Variants in SDCCAG8 observed in about 807,000 individuals in gnomAD.
SDCCAG8 encodes the protein serologically defined colon cancer antigen 8.
SDCCAG8 carries 74 observed loss-of-function variants against 101.8 expected under a neutral mutation model. The observed-to-expected ratio is 0.73, with a 90% CI of 0.60 to 0.88. The LOEUF (loss-of-function observed/expected upper bound fraction) is 0.88. Ranked by LOEUF, SDCCAG8 falls within the 40% of genes least tolerant of loss-of-function variation. SDCCAG8 has a pLI of 0.00. For synonymous variants in SDCCAG8, 281 were observed against 292.9 expected (o/e 0.96, Z 0.41); for missense variants, 787 against 822.6 (o/e 0.96, Z 0.53).
chr1:243,358,468 C>G (rs926105005), intron 12 of SDCCAG8, among the ~76,000 whole-genome samples: 1 of 152,022 alleles, frequency 6.6e-6, no homozygotes, highest in African/African-American at 2.4e-5. Flanking sequence ...TAACAAGTGT[C>G]GGTGAGGATG....
intron 4 of SDCCAG8, among the ~76,000 whole-genome samples, chr1:243,283,902 G>A (rs1053763498): frequency 3.3e-5 from 5 of 151,964 alleles, no homozygotes; most frequent in East Asian, 1.9e-4. Context: ...CACCACCCCC[G>A]GCTAGTTTTT....
At chr1:243,272,877 G>A (rs938979591) in intron 3 of SDCCAG8, among the ~76,000 whole-genome samples, 1 of 152,152 alleles carries the variant, frequency 6.6e-6, no homozygotes, top group African/African-American at 2.4e-5. Flanking sequence ...GAGTAAAACT[G>A]AGGCACTGTT....
At chr1:243,294,255 A>G (rs755486184) in intron 6 of SDCCAG8, among the ~76,000 whole-genome samples, 74 of 151,974 alleles carry the variant, frequency 4.9e-4, no homozygotes, top group Admixed American at 1.2e-3. Context: ...GAAATCTTTA[A>G]CTCCTTCTTT....
chr1:243,496,305 G>T (rs1667858496), intron 17 of SDCCAG8, among the ~76,000 whole-genome samples: 1 of 152,220 alleles, frequency 6.6e-6, no homozygotes. Flanking sequence ...CAGCTGCCGA[G>T]CCCTGGCCCC....
intron 9 of SDCCAG8, among the ~76,000 whole-genome samples, chr1:243,317,279 C>T (rs921530602): frequency 4.0e-5 from 6 of 150,778 alleles, no homozygotes; most frequent in African/African-American, 1.2e-4. Context: ...TGAGAAAATC[C>T]AAATATACCA....
Position 243,341,117 on chromosome 1 carries a change from A to T in SDCCAG8, c.1300A>T (p.Asn434Tyr). Residue 434 changes from asparagine to tyrosine, a missense_variant, in exon 11 of 18, where the codon AAT becomes TAT. Asn to Tyr is a moderately radical substitution (Grantham distance 143). Coordinates refer to ENST00000366541, the MANE Select transcript of SDCCAG8 (RefSeq NM_006642.5). ...KVTKEKISAI[N>Y]QLEEIQSQLA... is the part of the protein sequence containing the mutation. ...TACAAAGGAAAAGATTTCAGCTATTAATCAACTGGAGGAAATTCAAAGCCA... is the reference window on the plus strand; with the variant it reads ...TACAAAGGAAAAGATTTCAGCTATTTATCAACTGGAGGAAATTCAAAGCCA... 1 of 1,614,102 alleles carries T rather than the reference A, an allele frequency of 6.2e-7. No homozygotes were observed. The highest frequency in any genetic ancestry group is 8.5e-7 in the Non-Finnish European group (1 of 1,179,922).
chr1:243,359,081 G>T (rs893877561), intron 12 of SDCCAG8, among the ~76,000 whole-genome samples: 2 of 152,184 alleles, frequency 1.3e-5, no homozygotes, highest in Non-Finnish European at 2.9e-5. Context: ...TTCATGTCCA[G>T]GTAGAGATTT....
intron 16 of SDCCAG8, among the ~76,000 whole-genome samples, chr1:243,450,514 C>T (rs751658980): frequency 7.2e-5 from 11 of 152,226 alleles, no homozygotes; most frequent in Non-Finnish European, 1.0e-4. Context: ...AAATCAATCA[C>T]TGACTTCCAG....
chr1:243,373,797 G>T (rs2077439090), intron 12 of SDCCAG8, among the ~76,000 whole-genome samples: 1 of 152,066 alleles, frequency 6.6e-6, no homozygotes, highest in Admixed American at 6.6e-5. Context: ...GTGAATATTT[G>T]CTGAACAACA....
chr1:243,466,971 T>C (rs1465482287), intron 16 of SDCCAG8, among the ~76,000 whole-genome samples: 1 of 152,252 alleles, frequency 6.6e-6, no homozygotes, highest in African/African-American at 2.4e-5. Context: ...GTCTCCACTC[T>C]GGAGGGATAG....
intron 12 of SDCCAG8, among the ~76,000 whole-genome samples, chr1:243,363,626 T>C (rs543243069): frequency 6.6e-6 from 1 of 152,362 alleles, no homozygotes; most frequent in African/African-American, 2.4e-5. Flanking sequence ...TGACTTACTC[T>C]CCATTTTAAA....
At chr1:243,373,091 T>G (rs1182140829) in intron 12 of SDCCAG8, among the ~76,000 whole-genome samples, 2 of 151,926 alleles carry the variant, frequency 1.3e-5, no homozygotes, top group African/African-American at 4.8e-5. Context: ...TACATTTATA[T>G]GTGTGTGTGT....
chr1:243,390,100 T>C (rs1207243576), intron 13 of SDCCAG8, among the ~76,000 whole-genome samples: 2 of 152,246 alleles, frequency 1.3e-5, no homozygotes, highest in African/African-American at 4.8e-5. Flanking sequence ...TTGAAGAGGA[T>C]ATTATAACAT....
At chr1:243,343,730 T>C (rs1042488854) in intron 11 of SDCCAG8, among the ~76,000 whole-genome samples, 2 of 152,198 alleles carry the variant, frequency 1.3e-5, no homozygotes, top group Non-Finnish European at 2.9e-5. Flanking sequence ...TAGATATCAA[T>C]AGTATATCTA....
chr1:243,315,385 C>T (rs188893341), intron 8 of SDCCAG8, among the ~76,000 whole-genome samples: 1 of 151,940 alleles, frequency 6.6e-6, no homozygotes, highest in Admixed American at 6.6e-5. Context: ...TGATTATATT[C>T]GATTAAAACA....
intron 16 of SDCCAG8, among the ~76,000 whole-genome samples, chr1:243,446,354 C>A (rs1317225841): frequency 6.6e-6 from 1 of 152,166 alleles, no homozygotes; most frequent in Non-Finnish European, 1.5e-5. Flanking sequence ...GTAGCCTCAA[C>A]ATCCTGGGAT....
In SDCCAG8 at chr1:243,439,166, T is replaced by G. The variant is rs184489374; in HGVS notation, c.1985+12608T>G. On this transcript the variant is annotated intron_variant, in intron 16 of 17. Transcript: ENST00000366541. ...TCTTTTATTTTTATTTTATTTTTTATTTTTTGAGACAGGGTCTCACTCTGT... is the reference window on the plus strand; with the variant it reads ...TCTTTTATTTTTATTTTATTTTTTAGTTTTTGAGACAGGGTCTCACTCTGT... Among the ~76,000 whole-genome samples, 612 of 152,260 alleles carry G rather than the reference T, an allele frequency of 4.0e-3. 8 individuals are homozygous for G. Among genetic ancestry groups the G allele is most frequent in the African/African-American group, 0.014 (572 of 41,548 alleles).
In SDCCAG8 at chr1:243,438,490, T is replaced by G. The variant is rs1243539154; in HGVS notation, c.1985+11932T>G. ...ATATGATTTTGAAGATTATCTGGCT[T>G]TTGCCCATTGTTAGAGTGGGAGTGA... On this transcript the variant is annotated intron_variant, in intron 16 of 17. Transcript: ENST00000366541. Among the ~76,000 whole-genome samples the G allele has an allele frequency of 2.0e-5, 3 of 151,972 alleles. No homozygotes were observed. In the East Asian group the frequency reaches 5.8e-4, roughly 29 times the overall value.
intron 11 of SDCCAG8, among the ~76,000 whole-genome samples, chr1:243,342,581 G>A (rs1162908106): frequency 6.6e-6 from 1 of 152,154 alleles, no homozygotes; most frequent in Non-Finnish European, 1.5e-5. Context: ...CATCATGGTT[G>A]TATAATTATT....
Sources: gnomAD v4.1 joint callset for allele counts (sites outside exome capture counted in the v4.1 genomes callset) on GRCh38, gnomAD v4.1.1 for gene constraint, MANE v1.5 for transcripts, NCBI Gene and HGNC (gene_info 2026-07-23, HGNC 2026-07-21) for gene names.